Variants in ATP2A1 observed in about 807,000 individuals in gnomAD.
The protein encoded by ATP2A1 is ATPase sarcoplasmic/endoplasmic reticulum Ca2+ transporting 1, also known as sarcoplasmic/endoplasmic reticulum calcium ATPase 1.
A neutral mutation model predicts 109.5 loss-of-function variants in ATP2A1; 83 were observed. The observed-to-expected ratio is 0.76, with a 90% CI of 0.63 to 0.91. The LOEUF (loss-of-function observed/expected upper bound fraction) is 0.91, where lower values mean the gene tolerates loss of function less well. Among genes scored for constraint, ATP2A1 ranks in the 40% least tolerant of loss-of-function variants. The pLI, the probability that ATP2A1 is intolerant of heterozygous loss-of-function variation, is 0.00. For missense variants in ATP2A1, 1,101 were observed against 1,341.0 expected, an observed-to-expected ratio of 0.82 and a Z score of 2.80; for synonymous variants, 505 against 537.6, an observed-to-expected ratio of 0.94 and a Z score of 0.84.
Position 28,879,504 on chromosome 16 carries a change from A to ATTCC in ATP2A1, c.140_141insTTCC (p.Lys47AsnfsTer13). ...CTCCCCTTGCCTCCTCCCCCAGGGA[A>ATTCC]GACCCTGTGGGAGCTGGTGATAGAG... On this transcript the variant is annotated frameshift_variant, in exon 3 of 23. Transcript: ENST00000395503. LOFTEE classifies it high-confidence loss of function. The ATTCC allele has an allele frequency of 6.2e-7, 1 of 1,613,362 alleles. No homozygotes were observed. The highest frequency in any genetic ancestry group is 8.5e-7 in the Non-Finnish European group (1 of 1,179,340).
At position 28,880,769 on chromosome 16, in the gene ATP2A1, G is replaced by A; in HGVS notation, c.220-146G>A. 1 of 768,156 alleles carries A rather than the reference G, an allele frequency of 1.3e-6. No individual in the cohort carries two copies. The highest frequency in any genetic ancestry group is 1.5e-5 in the South Asian group (1 of 68,378). The allele number at this position is 768,156 out of a possible 1,614,324, so 47.6% of individuals were successfully genotyped here. A position where few individuals can be genotyped will look rare whatever the true frequency, so the allele number is the denominator to read the frequency against. The stretch of plus-strand genomic sequence containing the variant: ...GATGGACAGACCCTCAGACGGATGT[G>A]GGGCCACAGCGCCCCGACGGTGCCC... On this transcript the variant is annotated intron_variant, in intron 3 of 22. Coordinates refer to ENST00000395503, the MANE Select transcript of ATP2A1 (RefSeq NM_004320.6). The surrounding 1 kb of genome is among the most constrained non-coding windows in gnomAD (Gnocchi z 4.2).
intron 14 of ATP2A1, 74 bp from the exon 15 acceptor site, chr16:28,900,507 C>A (rs902051287): frequency 1.5e-6 from 2 of 1,343,836 alleles, no homozygotes; most frequent in African/African-American, 1.5e-5. Flanking sequence ...CCCATCCCCA[C>A]CCCCCACCAG....
intron 6 of ATP2A1, 142 bp downstream of exon 6, chr16:28,884,797 A>C (rs1963574875): frequency 5.1e-6 from 4 of 784,234 alleles, no homozygotes; most frequent in Non-Finnish European, 7.9e-6. Flanking sequence ...AAATTTTAAA[A>C]ACTAGCTGAG....
chr16:28,891,620 G>A (rs182264805), intron 9 of ATP2A1, among the ~76,000 whole-genome samples: 10 of 114,744 alleles, frequency 8.7e-5, no homozygotes, highest in East Asian at 5.8e-4. Context: ...AGCCAGATGC[G>A]GTGGCTCACA....
Position 28,900,582 on chromosome 16 carries a change from C to T in ATP2A1, c.1766C>T (p.Thr589Met), listed in dbSNP as rs200285714. Residue 589 changes from threonine (T) to methionine (M), a missense_variant and splice_region_variant, in exon 15 of 23, where the codon ACG (threonine) becomes ATG (methionine). Coordinates refer to ENST00000395503, the MANE Select transcript of ATP2A1 (RefSeq NM_004320.6). ...TGGCTCTCTGCTGTATCTCCCCAGACGGACCTGACATTCGTGGGTGTAGTG... is the reference window on the plus strand; with the variant it reads ...TGGCTCTCTGCTGTATCTCCCCAGATGGACCTGACATTCGTGGGTGTAGTG... Reference protein sequence around the residue: ...DDSARFLEYETDLTFVGVVGM... With the variant: ...DDSARFLEYEMDLTFVGVVGM... The T allele has an allele frequency of 5.8e-5, 91 of 1,560,810 alleles. No individual in the cohort carries two copies. The Admixed American group carries it at 1.2e-3, about 20-fold the overall frequency.
intron 6 of ATP2A1, among the ~76,000 whole-genome samples, chr16:28,886,451 G>C (rs1378563583): frequency 2.0e-5 from 3 of 152,134 alleles, no homozygotes; most frequent in East Asian, 1.9e-4. Flanking sequence ...CAGGCTTGCT[G>C]CTGAGCCCCT....
rs898059293 is a variant in ATP2A1, at chr16:28,878,945, A to G, written c.119-154A>G. 12 of 1,335,088 alleles carry G rather than the reference A, an allele frequency of 9.0e-6. No individual in the cohort carries two copies. In the Admixed American group the frequency reaches 1.7e-4, roughly 19 times the overall value. 82.7% of individuals were successfully genotyped at this position (1,335,088 alleles called of 1,614,324 possible). ...AGGGGGAAGAAGATACTGAGAAAAC[A>G]GAGTCCCGAGATCCAGAGTTTTGGG... On this transcript the variant is annotated intron_variant, in intron 1 of 22. Transcript: ENST00000395503.
At position 28,903,646 on chromosome 16, in the gene ATP2A1, C is replaced by T; in HGVS notation, c.2981-54C>T. ...CTCAGCCCCCACAGCCCCTATAGCC[C>T]CCATGCCACCTCCCTGCCTTGATAA... On this transcript the variant is annotated intron_variant, in intron 21 of 22. Transcript: ENST00000395503. The surrounding 1 kb of genome is among the most constrained non-coding windows in gnomAD (Gnocchi z 5.6). The T allele has an allele frequency of 6.7e-7, 1 of 1,483,170 alleles. No individual in the cohort carries two copies. 91.9% of individuals were successfully genotyped at this position (1,483,170 alleles called of 1,614,324 possible).
At chr16:28,900,530 G>C in intron 14 of ATP2A1, 51 bp from the exon 15 acceptor site, 1 of 1,501,084 alleles carries the variant, frequency 6.7e-7, no homozygotes, top group Admixed American at 2.1e-5. Context: ...TCCTCCAGGG[G>C]AGTTTTCCAG....
chr16:28,894,912 A>G lies in ATP2A1; in HGVS notation c.1378A>G (p.Arg460Gly). ...EKMNVFNTDV[R>G]SLSKVERANA... is the part of the protein sequence containing the mutation. ...GATGAATGTGTTCAACACGGATGTG[A>G]GAAGCCTCTCGAAGGTGGAGAGAGC... Residue 460 changes from arginine (R) to glycine (G), a missense_variant, in exon 12 of 23, where the codon AGA becomes GGA. Arg to Gly is a moderately radical substitution (Grantham distance 125, BLOSUM62 -2). Coordinates refer to ENST00000395503, the MANE Select transcript of ATP2A1 (RefSeq NM_004320.6). 1 of 1,612,430 alleles carries G rather than the reference A, an allele frequency of 6.2e-7. No homozygotes were observed. The highest frequency in any genetic ancestry group is 1.7e-5 in the Admixed American group (1 of 59,964).
chr16:28,903,948 C>A lies in ATP2A1; in HGVS notation c.*37+207C>A. 2.8e-6 allele frequency: 2 copies of A among 724,726 alleles called. No individual in the cohort carries two copies. The highest frequency in any genetic ancestry group is 4.8e-6 in the Non-Finnish European group (2 of 414,024). 44.9% of individuals were successfully genotyped at this position (724,726 alleles called of 1,614,324 possible). A position where few individuals can be genotyped will look rare whatever the true frequency, so the allele number is the denominator to read the frequency against. On this transcript the variant is annotated intron_variant, in intron 22 of 22. Coordinates refer to ENST00000395503, the MANE Select transcript of ATP2A1 (RefSeq NM_004320.6). The surrounding 1 kb of genome is among the most constrained non-coding windows in gnomAD (Gnocchi z 5.6). ...GCTCCCAGGCCCTGGGCAGTGCCAG[C>A]CTCTGGGCCCGTCTGCTGCGCTGCG...
chr16:28,897,988 TC>T lies in ATP2A1; in HGVS notation c.1420-11del. 6.2e-7 allele frequency: 1 copy of T among 1,614,054 alleles called. No individual in the cohort carries two copies. On this transcript the variant is annotated splice_polypyrimidine_tract_variant and intron_variant, in intron 12 of 22. Transcript: ENST00000395503. ...TAAGAGGACTGGTCTCCCCTCCCTG[TC>T]TCCTCTCCAGGTGATCCGCCAGCTA... is the stretch of plus-strand genomic sequence containing the variant.
chr16:28,894,546 G>T lies in ATP2A1; in HGVS notation c.1226G>T (p.Gly409Val). The T allele has an allele frequency of 3.1e-6, 5 of 1,614,032 alleles. No homozygotes were observed. The highest frequency in any genetic ancestry group is 4.2e-6 in the Non-Finnish European group (5 of 1,180,014). The stretch of plus-strand genomic sequence containing the variant: ...CCAGTCCGGCCAGGGCAGTATGACG[G>T]GCTGGTGGAGCTGGCCACCATCTGT... ...DKPVRPGQYD[G>V]LVELATICAL... Residue 409 changes from glycine to valine, a missense_variant, in exon 11 of 23, where the codon GGG becomes GTG. By Grantham distance (109) the Gly-to-Val change is moderately radical (BLOSUM62 -3). Coordinates refer to ENST00000395503, the MANE Select transcript of ATP2A1 (RefSeq NM_004320.6).
chr16:28,895,005 G>T, intron 12 of ATP2A1, 52 bp downstream of exon 12: 1 of 1,604,054 alleles, frequency 6.2e-7, no homozygotes. Flanking sequence ...ATGCTGCATA[G>T]ACTAGAGGAA....
rs1963854430 is a variant in ATP2A1 at position 28,894,216 on chromosome 16, G to T, written c.1157G>T (p.Gly386Val). The T allele has an allele frequency of 6.2e-7, 1 of 1,614,026 alleles. No homozygotes were observed. ...ICLLNEFSIT[G>V]STYAPEGEVL... ...CTCCTGAATGAGTTCTCCATCACCG[G>T]CTCCACTTACGCTCCAGAGGGAGAG... The change falls in exon 10 of 23, where the codon GGC becomes GTC. Residue 386 changes from glycine (G) to valine (V), a missense_variant. Physicochemically the swap from Gly to Val is moderately radical, Grantham distance 109. Transcript: ENST00000395503.
At chr16:28,879,735 C>T in intron 3 of ATP2A1, 152 bp downstream of exon 3, 1 of 919,330 alleles carries the variant, frequency 1.1e-6, no homozygotes, top group East Asian at 2.6e-5. Flanking sequence ...GGGTGTGATT[C>T]GCGTCCTCCT....
intron 6 of ATP2A1, among the ~76,000 whole-genome samples, chr16:28,885,543 C>T (rs1401133435): frequency 2.0e-5 from 3 of 151,886 alleles, no homozygotes; most frequent in Admixed American, 1.3e-4. Flanking sequence ...AGGGTTTTAC[C>T]GTCTTGGCCA....
intron 9 of ATP2A1, among the ~76,000 whole-genome samples, chr16:28,889,384 G>T (rs1346628723): frequency 6.6e-6 from 1 of 152,082 alleles, no homozygotes; most frequent in Non-Finnish European, 1.5e-5. Flanking sequence ...AGCCTCCCTA[G>T]TAGCTGGGAC....
intron 12 of ATP2A1, among the ~76,000 whole-genome samples, chr16:28,895,422 G>A (rs1191368522): frequency 6.6e-6 from 1 of 152,166 alleles, no homozygotes; most frequent in Non-Finnish European, 1.5e-5. Flanking sequence ...ATTGATACTT[G>A]CTGAACGTCT....
Sources: allele counts gnomAD v4.1 joint callset (sites outside exome capture counted in the v4.1 genomes callset), GRCh38; gene constraint gnomAD v4.1.1; non-coding constraint Gnocchi (gnomAD v3.1); transcripts MANE v1.5; gene names NCBI Gene and HGNC (gene_info 2026-07-23, HGNC 2026-07-21).